The following SNTG1 variants were observed in gnomAD, a reference collection of about 807,000 sequenced individuals.
SNTG1 encodes gamma-1-syntrophin.
In SNTG1, 39 loss-of-function variants were observed where a neutral mutation model predicts 74.7. The ratio of observed to expected loss-of-function variants is 0.52; its 90% CI spans 0.40 to 0.68. SNTG1 has a LOEUF of 0.68. SNTG1 is among the 30% of genes least tolerant of loss of function. SNTG1 has a pLI of 0.00. For missense variants in SNTG1, 685 were observed against 609.5 expected (o/e 1.12, Z -1.30); for synonymous variants, 254 against 217.1 (o/e 1.17, Z -1.49).
chr8:50,776,473 T>C (rs1247279598), intron 18 of SNTG1, among the ~76,000 whole-genome samples: 1 of 147,558 alleles, frequency 6.8e-6, no homozygotes, highest in Non-Finnish European at 1.5e-5. Context: ...ACTTATGTAC[T>C]ATAAATATTG....
chr8:50,789,900 C>T (rs1413840030), intron 18 of SNTG1, among the ~76,000 whole-genome samples: 2 of 151,968 alleles, frequency 1.3e-5, no homozygotes, highest in African/African-American at 4.8e-5. Context: ...TCATTGTCTG[C>T]CAAGTACTTC....
chr8:50,603,499 A>G (rs772757078), intron 13 of SNTG1, among the ~76,000 whole-genome samples: 12 of 152,166 alleles, frequency 7.9e-5, no homozygotes, highest in Non-Finnish European at 1.5e-4. Context: ...GTATTTCTCC[A>G]GGACTTGTCC....
chr8:50,555,146 T>C (rs2094448612), intron 12 of SNTG1, among the ~76,000 whole-genome samples: 2 of 152,168 alleles, frequency 1.3e-5, no homozygotes, highest in African/African-American at 4.8e-5. Context: ...TTACTGCTTG[T>C]TTTTCATCCT....
At chr8:50,026,660 T>A (rs909091557) in intron 1 of SNTG1, among the ~76,000 whole-genome samples, 5 of 152,266 alleles carry the variant, frequency 3.3e-5, no homozygotes, top group Non-Finnish European at 7.4e-5. Flanking sequence ...AGGGTATTAA[T>A]ATCTTCATTC....
At chr8:50,471,036 G>A (rs1293509153) in intron 8 of SNTG1, among the ~76,000 whole-genome samples, 2 of 151,918 alleles carry the variant, frequency 1.3e-5, no homozygotes, top group Non-Finnish European at 2.9e-5. Flanking sequence ...TTTACAGAGT[G>A]CTGATTGATG....
intron 15 of SNTG1, among the ~76,000 whole-genome samples, chr8:50,667,907 G>A (rs2095258431): frequency 6.6e-6 from 1 of 151,942 alleles, no homozygotes; most frequent in Admixed American, 6.6e-5. Flanking sequence ...CTGAAAATAT[G>A]TTTTTAGTTT....
At chr8:50,637,510 T>C (rs2095046729) in intron 13 of SNTG1, among the ~76,000 whole-genome samples, 1 of 152,136 alleles carries the variant, frequency 6.6e-6, no homozygotes. Flanking sequence ...TTACCCAAGG[T>C]CATAAGGCAC....
At chr8:50,426,847 C>T (rs1184275459) in intron 4 of SNTG1, among the ~76,000 whole-genome samples, 1 of 143,754 alleles carries the variant, frequency 7.0e-6, no homozygotes, top group Non-Finnish European at 1.5e-5. Flanking sequence ...ATTTAAAAAG[C>T]AATAACGTAT....
intron 2 of SNTG1, among the ~76,000 whole-genome samples, chr8:50,183,884 T>G (rs1243013436): frequency 6.6e-6 from 1 of 152,194 alleles, no homozygotes; most frequent in African/African-American, 2.4e-5. Context: ...GCCTTAACTT[T>G]ACTACTATAG....
chr8:50,739,380 T>C (rs2095537350), intron 17 of SNTG1, among the ~76,000 whole-genome samples: 2 of 151,968 alleles, frequency 1.3e-5, no homozygotes, highest in African/African-American at 4.8e-5. Context: ...CTCACACCAA[T>C]TAGAATGGTG....
chr8:50,559,109 G>A (rs889634916), intron 12 of SNTG1, among the ~76,000 whole-genome samples: 1 of 152,132 alleles, frequency 6.6e-6, no homozygotes, highest in Non-Finnish European at 1.5e-5. Flanking sequence ...TTCAGGCAAA[G>A]AAAAATCATG....
At chr8:50,497,180 GA>G (rs556363985) in intron 8 of SNTG1, among the ~76,000 whole-genome samples, 1 of 151,324 alleles carries the variant, frequency 6.6e-6, no homozygotes, top group Non-Finnish European at 1.5e-5. Context: ...ACTTATACTT[GA>G]AAAAAACTTT....
At chr8:50,420,820 A>G (rs1049739609) in intron 4 of SNTG1, among the ~76,000 whole-genome samples, 20 of 151,912 alleles carry the variant, frequency 1.3e-4, no homozygotes, top group Admixed American at 5.9e-4. Flanking sequence ...AGGCCAAGAG[A>G]TCAAGACCAT....
intron 2 of SNTG1, among the ~76,000 whole-genome samples, chr8:50,187,716 G>C (rs570015461): frequency 6.6e-6 from 1 of 152,052 alleles, no homozygotes; most frequent in Non-Finnish European, 1.5e-5. Flanking sequence ...ACAATACTAC[G>C]TACAATGCCA....
intron 2 of SNTG1, among the ~76,000 whole-genome samples, chr8:50,310,370 C>T (rs2090062079): frequency 6.6e-6 from 1 of 152,078 alleles, no homozygotes; most frequent in Admixed American, 6.5e-5. Flanking sequence ...TTTCAAGAAG[C>T]TTAAACAGTC....
intron 1 of SNTG1, among the ~76,000 whole-genome samples, chr8:49,979,284 C>G (rs1018169986): frequency 6.6e-6 from 1 of 152,192 alleles, no homozygotes. Context: ...GGGCCCCGCA[C>G]CGCCGCCTGC....
chr8:50,556,320 C>A (rs2130639374), intron 12 of SNTG1, among the ~76,000 whole-genome samples: 1 of 152,208 alleles, frequency 6.6e-6, no homozygotes, highest in African/African-American at 2.4e-5. Context: ...ATGGCAGAGG[C>A]TATGCTGTTG....
chr8:49,999,102 G>A (rs183445898), intron 1 of SNTG1, among the ~76,000 whole-genome samples: 1 of 152,140 alleles, frequency 6.6e-6, no homozygotes, highest in African/African-American at 2.4e-5. Flanking sequence ...TTCTTTAACC[G>A]AACCATCATT....
intron 2 of SNTG1, among the ~76,000 whole-genome samples, chr8:50,224,275 G>C (rs1467460614): frequency 6.6e-6 from 1 of 152,104 alleles, no homozygotes; most frequent in African/African-American, 2.4e-5. Flanking sequence ...AGGGAAAAGT[G>C]ACATAGATTA....
Sources: gnomAD v4.1 joint callset for allele counts (sites outside exome capture counted in the v4.1 genomes callset) on GRCh38, gnomAD v4.1.1 for gene constraint, MANE v1.5 for transcripts, NCBI Gene and HGNC (gene_info 2026-07-23, HGNC 2026-07-21) for gene names.